The following THRB variants were observed in gnomAD, a reference collection of about 807,000 sequenced individuals.
THRB encodes nuclear receptor subfamily 1 group A member 2.
In THRB, 12 loss-of-function variants were observed where a neutral mutation model predicts 47.8. That is an observed-to-expected ratio of 0.25 (90% CI 0.16 to 0.41). The LOEUF (loss-of-function observed/expected upper bound fraction) is 0.41. Among genes scored for constraint, THRB ranks in the 10% least tolerant of loss-of-function variants. The pLI, the probability that THRB is intolerant of heterozygous loss-of-function variation, is 1.00. For missense variants in THRB, 348 were observed against 589.2 expected (o/e 0.59, Z 4.24); for synonymous variants, 218 against 212.2 (o/e 1.03, Z -0.24).
intron 3 of THRB, among the ~76,000 whole-genome samples, chr3:24,274,751 C>T (rs970320021): frequency 3.3e-5 from 5 of 152,086 alleles, no homozygotes; most frequent in Non-Finnish European, 7.4e-5. Flanking sequence ...GTTGCTTCCC[C>T]AATTGGTGGT....
chr3:24,417,124 A>G (rs2150241678), intron 1 of THRB, among the ~76,000 whole-genome samples: 1 of 139,772 alleles, frequency 7.2e-6, no homozygotes, highest in South Asian at 2.3e-4. Context: ...ACACACACAC[A>G]CACACACACA....
chr3:24,342,056 A>C (rs529241922), intron 1 of THRB, among the ~76,000 whole-genome samples: 1 of 152,198 alleles, frequency 6.6e-6, no homozygotes, highest in Admixed American at 6.5e-5. Flanking sequence ...TAATCATTTC[A>C]AACTATGTTT....
intron 1 of THRB, among the ~76,000 whole-genome samples, chr3:24,341,022 G>A (rs890187758): frequency 7.3e-5 from 11 of 150,744 alleles, no homozygotes; most frequent in African/African-American, 1.5e-4. Context: ...TTTCTGCTAC[G>A]TTGGTGGACA....
chr3:24,265,267 C>T (rs2052531389), intron 3 of THRB, among the ~76,000 whole-genome samples: 1 of 152,072 alleles, frequency 6.6e-6, no homozygotes, highest in African/African-American at 2.4e-5. Flanking sequence ...CTTTCTGATC[C>T]TGGAGTTTGT....
intron 4 of THRB, among the ~76,000 whole-genome samples, chr3:24,198,461 CCCCCCT>C (rs2044230505): frequency 1.0e-5 from 1 of 96,908 alleles, no homozygotes; most frequent in South Asian, 5.7e-4. Flanking sequence ...CGCCCCCCCC[CCCCCCT>C]TTTTTTTTTA....
chr3:24,456,505 T>C lies in THRB; in HGVS notation c.-261+38147A>G, dbSNP rs76490269. ...TGATAGTGAATGATAGTAATAAATA[T>C]GTTTAACCATCTTCCTATCATTCAG... is the stretch of plus-strand genomic sequence containing the variant. On this transcript the variant is annotated intron_variant, in intron 1 of 10. Transcript: ENST00000646209. 5.1e-3 allele frequency among the ~76,000 whole-genome samples: 768 copies of C among 151,994 alleles called. 8 individuals carry two copies. The highest frequency in any genetic ancestry group is 0.018 in the African/African-American group (737 of 41,522).
chr3:24,178,113 G>T (rs1285388842), intron 5 of THRB, among the ~76,000 whole-genome samples: 3 of 152,142 alleles, frequency 2.0e-5, no homozygotes, highest in African/African-American at 7.2e-5. Context: ...TTGAATAGCT[G>T]CTTATTAGAG....
chr3:24,466,105 T>C (rs1317758009), intron 1 of THRB, among the ~76,000 whole-genome samples: 1 of 152,210 alleles, frequency 6.6e-6, no homozygotes, highest in Non-Finnish European at 1.5e-5. Flanking sequence ...CTGGTTTTCC[T>C]CTGTGCCCAA....
intron 3 of THRB, among the ~76,000 whole-genome samples, chr3:24,244,074 T>C (rs568578701): frequency 1.8e-4 from 28 of 151,758 alleles, no homozygotes; most frequent in African/African-American, 6.8e-4. Context: ...TAGGGCTGGG[T>C]GGTGGGGGTG....
chr3:24,243,631 AC>A, intron 3 of THRB, among the ~76,000 whole-genome samples: 1 of 150,758 alleles, frequency 6.6e-6, no homozygotes, highest in African/African-American at 2.4e-5. Flanking sequence ...GCTTCCCAAT[AC>A]CCCTTATCTT....
At chr3:24,316,272 A>G (rs2058105424) in intron 2 of THRB, among the ~76,000 whole-genome samples, 1 of 152,208 alleles carries the variant, frequency 6.6e-6, no homozygotes, top group Non-Finnish European at 1.5e-5. Flanking sequence ...ACATACTTCT[A>G]AAAGCCTGAA....
At chr3:24,133,701 GAGA>G (rs2034220683) in intron 8 of THRB, among the ~76,000 whole-genome samples, 1 of 147,722 alleles carries the variant, frequency 6.8e-6, no homozygotes, top group Non-Finnish European at 1.5e-5. Context: ...CAGAAAGAGA[GAGA>G]GAGAGAGAGA....
chr3:24,278,924 A>T (rs2054221156), intron 3 of THRB, among the ~76,000 whole-genome samples: 1 of 151,928 alleles, frequency 6.6e-6, no homozygotes, highest in African/African-American at 2.4e-5. Context: ...AGCTCACTGC[A>T]GCCTTGAACT....
At chr3:24,211,263 A>C (rs1042290344) in intron 4 of THRB, among the ~76,000 whole-genome samples, 3 of 152,112 alleles carry the variant, frequency 2.0e-5, no homozygotes, top group African/African-American at 7.2e-5. Context: ...CATAATACAC[A>C]TAAGTATATT....
intron 1 of THRB, among the ~76,000 whole-genome samples, chr3:24,350,829 G>A (rs549523930): frequency 6.6e-6 from 1 of 152,180 alleles, no homozygotes; most frequent in Admixed American, 6.5e-5. Context: ...TTTATTTAAG[G>A]TAATTTCTTT....
intron 5 of THRB, among the ~76,000 whole-genome samples, chr3:24,167,958 A>C (rs1225430555): frequency 6.6e-6 from 1 of 152,192 alleles, no homozygotes; most frequent in Non-Finnish European, 1.5e-5. Flanking sequence ...TCTTTTTACT[A>C]AACGTCAGAA....
intron 1 of THRB, among the ~76,000 whole-genome samples, chr3:24,386,519 C>G (rs907883422): frequency 6.6e-6 from 1 of 152,084 alleles, no homozygotes; most frequent in Non-Finnish European, 1.5e-5. Flanking sequence ...AAGGAAACTA[C>G]GGTCTAACTT....
chr3:24,137,862 G>T (rs2034886600), intron 8 of THRB, among the ~76,000 whole-genome samples: 1 of 152,112 alleles, frequency 6.6e-6, no homozygotes, highest in Non-Finnish European at 1.5e-5. Context: ...TGCACTATGG[G>T]GATGGCAGTA....
intron 1 of THRB, among the ~76,000 whole-genome samples, chr3:24,401,155 G>T (rs2067366062): frequency 6.6e-6 from 1 of 151,934 alleles, no homozygotes; most frequent in Admixed American, 6.6e-5. Flanking sequence ...GTTTACACCT[G>T]GCCTCTAAAG....
Sources: gnomAD v4.1 joint callset for allele counts (sites outside exome capture counted in the v4.1 genomes callset) on GRCh38, gnomAD v4.1.1 for gene constraint, MANE v1.5 for transcripts, NCBI Gene and HGNC (gene_info 2026-07-23, HGNC 2026-07-21) for gene names.